The following LIPC variants were observed in gnomAD, a reference collection of about 807,000 sequenced individuals.
LIPC encodes hepatic triacylglycerol lipase.
In LIPC, 44 loss-of-function variants were observed where a neutral mutation model predicts 50.7. That is an observed-to-expected ratio of 0.87 (90% CI 0.68 to 1.11). The LOEUF is 1.11. LIPC is among the 50% of genes most tolerant of loss of function. LIPC has a pLI of 0.00. For missense variants in LIPC, 697 were observed against 648.2 expected, an observed-to-expected ratio of 1.08 and a Z score of -0.82; for synonymous variants, 271 against 256.4, an observed-to-expected ratio of 1.06 and a Z score of -0.54.
chr15:58,526,585 C>A (rs1326523925), intron 1 of LIPC, among the ~76,000 whole-genome samples: 1 of 152,158 alleles, frequency 6.6e-6, no homozygotes, highest in Non-Finnish European at 1.5e-5. Flanking sequence ...AGGCACCGCG[C>A]CAAGCTACAC....
chr15:58,467,245 C>A (rs1389491453), intron 1 of LIPC, among the ~76,000 whole-genome samples: 1 of 152,216 alleles, frequency 6.6e-6, no homozygotes, highest in Non-Finnish European at 1.5e-5. Flanking sequence ...CTGACCCACT[C>A]ATCCCTGACC....
At chr15:58,452,397 T>G (rs1893934662) in intron 1 of LIPC, among the ~76,000 whole-genome samples, 1 of 152,308 alleles carries the variant, frequency 6.6e-6, no homozygotes, top group South Asian at 2.1e-4. Flanking sequence ...AACTAAGGCT[T>G]ATGTTCAGGG....
chr15:58,564,421 G>A (rs765118391), intron 8 of LIPC, among the ~76,000 whole-genome samples: 1 of 151,982 alleles, frequency 6.6e-6, no homozygotes, highest in Non-Finnish European at 1.5e-5. Flanking sequence ...GAGCTGGGGT[G>A]GGGAGCAAAG....
chr15:58,462,992 C>G (rs963051902), intron 1 of LIPC, among the ~76,000 whole-genome samples: 4 of 152,242 alleles, frequency 2.6e-5, no homozygotes, highest in Non-Finnish European at 4.4e-5. Context: ...ACTCATCCCT[C>G]CTTTTGAAGT....
chr15:58,438,351 GA>G (rs1893381083), intron 1 of LIPC, among the ~76,000 whole-genome samples: 1 of 152,166 alleles, frequency 6.6e-6, no homozygotes, highest in South Asian at 2.1e-4. Context: ...GCTCCACGTA[GA>G]ACAGAGGTCA....
intron 1 of LIPC, among the ~76,000 whole-genome samples, chr15:58,528,445 C>G (rs73424700): frequency 0.027 from 4,085 of 152,256 alleles, 189 homozygotes; most frequent in African/African-American, 0.094. Context: ...ATAACTAGCC[C>G]AAGGTCACAC....
At chr15:58,450,823 G>T (rs12439649) in intron 1 of LIPC, among the ~76,000 whole-genome samples, 14,194 of 152,192 alleles carry the variant, frequency 0.093, 1,319 homozygotes, top group East Asian at 0.25. Flanking sequence ...TGGTCCCTAA[G>T]CGATTTTCCC....
intron 6 of LIPC, among the ~76,000 whole-genome samples, chr15:58,551,891 A>T (rs1357177908): frequency 2.0e-5 from 3 of 152,228 alleles, no homozygotes; most frequent in African/African-American, 7.2e-5. Context: ...CGACAAAACC[A>T]TCAAAGGATC....
chr15:58,471,261 C>T (rs984486729), intron 1 of LIPC, among the ~76,000 whole-genome samples: 3 of 146,668 alleles, frequency 2.0e-5, no homozygotes, highest in Non-Finnish European at 4.5e-5. Flanking sequence ...CTCAGCCTCC[C>T]GAGTAGCTGG....
intron 6 of LIPC, among the ~76,000 whole-genome samples, chr15:58,560,249 T>C (rs888894885): frequency 6.6e-6 from 1 of 152,204 alleles, no homozygotes; most frequent in African/African-American, 2.4e-5. Flanking sequence ...TCCAGACATG[T>C]GATAAAACAG....
chr15:58,527,373 C>T (rs1371971885), intron 1 of LIPC, among the ~76,000 whole-genome samples: 1 of 152,190 alleles, frequency 6.6e-6, no homozygotes, highest in African/African-American at 2.4e-5. Flanking sequence ...AGCTGAAGGG[C>T]ACAGGGTGCA....
chr15:58,502,238 T>C (rs1241750211), intron 1 of LIPC, among the ~76,000 whole-genome samples: 2 of 152,110 alleles, frequency 1.3e-5, no homozygotes, highest in African/African-American at 4.8e-5. Context: ...TCATCAGCCC[T>C]TTCTTTCCTT....
chr15:58,552,375 A>G (rs1410822352), intron 6 of LIPC, among the ~76,000 whole-genome samples: 1 of 152,174 alleles, frequency 6.6e-6, no homozygotes, highest in East Asian at 1.9e-4. Flanking sequence ...CTTTTACTGC[A>G]CTTGGCCTCG....
intron 1 of LIPC, among the ~76,000 whole-genome samples, chr15:58,517,483 C>G (rs1370078251): frequency 1.3e-5 from 2 of 152,268 alleles, no homozygotes; most frequent in East Asian, 3.8e-4. Flanking sequence ...GAGCGAACCC[C>G]TTCAGAGGTC....
chr15:58,544,391 C>CTTTTTTTTTTTTTTTTTTTTT (rs572161614), intron 4 of LIPC, among the ~76,000 whole-genome samples: 2 of 110,272 alleles, frequency 1.8e-5, no homozygotes, highest in African/African-American at 3.3e-5. Flanking sequence ...TTCTTTTTCT[C>CTTTTTTTTTTTTTTTTTTTTT]TTTCTTTTTT....
chr15:58,542,755 T>C (rs887243746), intron 4 of LIPC, 104 bp downstream of exon 4: 7 of 768,818 alleles, frequency 9.1e-6, no homozygotes, highest in Non-Finnish European at 1.4e-5. Flanking sequence ...CCAACACTTA[T>C]TGTGAGGGAT....
chr15:58,494,798 T>A (rs1323309957), intron 1 of LIPC: 4 of 456,076 alleles, frequency 8.8e-6, no homozygotes, highest in Non-Finnish European at 1.8e-5. Flanking sequence ...GAATCTGGAG[T>A]TCTTGCTAGT....
intron 6 of LIPC, among the ~76,000 whole-genome samples, chr15:58,556,236 G>A (rs1201651034): frequency 6.6e-6 from 1 of 152,166 alleles, no homozygotes; most frequent in Non-Finnish European, 1.5e-5. Context: ...TTCACTCAGA[G>A]AGCCTGTGAA....
chr15:58,480,760 T>G (rs543286053), intron 1 of LIPC, among the ~76,000 whole-genome samples: 6 of 152,188 alleles, frequency 3.9e-5, no homozygotes, highest in Admixed American at 3.9e-4. Context: ...TTAGTTTTAG[T>G]GTATTTTATG....
Sources: allele counts gnomAD v4.1 joint callset (sites outside exome capture counted in the v4.1 genomes callset), GRCh38; gene constraint gnomAD v4.1.1; transcripts MANE v1.5; gene names NCBI Gene and HGNC (gene_info 2026-07-23, HGNC 2026-07-21).